Variants in C3orf52 observed in about 807,000 individuals in gnomAD.
C3orf52 encodes TPA-induced transmembrane protein.
C3orf52 carries 22 observed loss-of-function variants against 24.8 expected under a neutral mutation model. That is an observed-to-expected ratio of 0.89 (90% CI 0.63 to 1.27). The LOEUF is 1.27. C3orf52 is among the 50% of genes most tolerant of loss of function. C3orf52 has a pLI of 0.00. For missense variants in C3orf52, 265 were observed against 260.7 expected, an observed-to-expected ratio of 1.02 and a Z score of -0.11; for synonymous variants, 93 against 100.2, an observed-to-expected ratio of 0.93 and a Z score of 0.43.
intron 3 of C3orf52, among the ~76,000 whole-genome samples, chr3:112,104,473 A>T (rs2074006257): frequency 6.6e-6 from 1 of 152,136 alleles, no homozygotes; most frequent in Non-Finnish European, 1.5e-5. Context: ...AGGCGATTCC[A>T]TCCAGGTCAC....
chr3:112,093,627 G>T (rs1371308039), intron 2 of C3orf52, 138 bp downstream of exon 2: 53 of 792,428 alleles, frequency 6.7e-5, no homozygotes, highest in Non-Finnish European at 8.1e-5. Context: ...GGAATATATT[G>T]TATGGGTGGG....
downstream of C3orf52, chr3:112,129,045 A>C (rs140146131): frequency 6.6e-6 from 1 of 151,960 alleles, no homozygotes; most frequent in Non-Finnish European, 1.5e-5. Context: ...CATTCTGACA[A>C]CCTCTAAGAT....
chr3:112,102,153 G>A (rs905159103), intron 2 of C3orf52, among the ~76,000 whole-genome samples: 1 of 152,034 alleles, frequency 6.6e-6, no homozygotes, highest in Non-Finnish European at 1.5e-5. Flanking sequence ...GTCTTCCTGG[G>A]GAGACTTCAA....
intron 2 of C3orf52, among the ~76,000 whole-genome samples, chr3:112,095,659 C>T (rs531833671): frequency 8.5e-5 from 13 of 152,066 alleles, no homozygotes; most frequent in Non-Finnish European, 1.8e-4. Flanking sequence ...AATTTGTGTT[C>T]GAACATGTCA....
intron 2 of C3orf52, among the ~76,000 whole-genome samples, 162 bp from the exon 3 acceptor site, chr3:112,102,676 G>A (rs972364169): frequency 3.3e-5 from 5 of 152,190 alleles, no homozygotes; most frequent in African/African-American, 1.2e-4. Flanking sequence ...ATTTTGCTGA[G>A]TGGAGAAAGC....
At chr3:112,126,651 A>C (rs542932566) in intron 4 of C3orf52, among the ~76,000 whole-genome samples, 1 of 152,360 alleles carries the variant, frequency 6.6e-6, no homozygotes, top group South Asian at 2.1e-4. Context: ...TAACTTGGCC[A>C]GGAGGCCCCA....
downstream of C3orf52, chr3:112,133,383 C>CAATGAGAGCTTCGAACCTCTGGGG: frequency 2.3e-6 from 1 of 429,532 alleles, no homozygotes. Flanking sequence ...AACTACCCGT[C>CAATGAGAGCTTCGAACCTCTGGGG]AATGAGAGCT....
intron 4 of C3orf52, chr3:112,127,974 C>T (rs1338364338): frequency 1.3e-6 from 2 of 1,574,484 alleles, no homozygotes. Context: ...CACATTGAAA[C>T]CACACTTAGG....
downstream of C3orf52, among the ~76,000 whole-genome samples, chr3:112,120,417 C>T (rs1294277744): frequency 6.6e-6 from 1 of 152,184 alleles, no homozygotes; most frequent in Middle Eastern, 3.2e-3. Flanking sequence ...AACAGATTTT[C>T]CCGCCCTATC....
chr3:112,093,496 G>A lies in C3orf52; in HGVS notation c.268+7G>A, dbSNP rs766257958. 2 of 1,607,952 alleles carry A rather than the reference G, an allele frequency of 1.2e-6. No homozygotes were observed. Among genetic ancestry groups the A allele is most frequent in the East Asian group, 4.5e-5 (2 of 44,702 alleles). ...GGCTTATGTCTTGCTGCAGGTAAGA[G>A]GATTTAGATGTGAATAAATAACACA... On this transcript the variant is annotated splice_region_variant and intron_variant, in intron 2 of 5. Transcript: ENST00000264848.
chr3:112,125,878 C>G (rs577630744), intron 4 of C3orf52, among the ~76,000 whole-genome samples: 1 of 152,326 alleles, frequency 6.6e-6, no homozygotes, highest in Admixed American at 6.5e-5. Flanking sequence ...TAGTTAAAAC[C>G]AAATGGCTCT....
chr3:112,126,742 G>A (rs2074329488), intron 4 of C3orf52, among the ~76,000 whole-genome samples: 1 of 152,092 alleles, frequency 6.6e-6, no homozygotes, highest in African/African-American at 2.4e-5. Context: ...CTTGCCCCCA[G>A]TTACTGCCTT....
intron 2 of C3orf52, among the ~76,000 whole-genome samples, chr3:112,099,711 G>A (rs2073955407): frequency 6.6e-6 from 1 of 152,140 alleles, no homozygotes; most frequent in Non-Finnish European, 1.5e-5. Flanking sequence ...ACTTAATACA[G>A]TAGCTATTAT....
chr3:112,116,712 A>T lies in C3orf52; in HGVS notation c.*66A>T, dbSNP rs2074136820. 1.9e-6 allele frequency: 3 copies of T among 1,570,490 alleles called. No individual in the cohort carries two copies. The South Asian group carries it at 3.5e-5, about 18-fold the overall frequency. On this transcript the variant is annotated 3_prime_UTR_variant, in exon 6 of 6. Coordinates refer to ENST00000264848, the MANE Select transcript of C3orf52 (RefSeq NM_024616.3). ...CAAGTCCTGGAGATGAAGGGAATTC[A>T]CTCTGTTTTGCAGAAAAGATTCTGT... is the stretch of plus-strand genomic sequence containing the variant.
chr3:112,128,197 C>A (rs1210657797), intron 4 of C3orf52: 2 of 742,710 alleles, frequency 2.7e-6, no homozygotes, highest in African/African-American at 1.7e-5. Flanking sequence ...ATAACTTGGA[C>A]ACATCTCTCA....
chr3:112,114,548 A>T (rs574691285), intron 5 of C3orf52, among the ~76,000 whole-genome samples: 1 of 152,208 alleles, frequency 6.6e-6, no homozygotes, highest in Admixed American at 6.5e-5. Flanking sequence ...TACTAAAAAT[A>T]CAAAAATTAG....
chr3:112,088,143 A>G (rs1166343063), intron 1 of C3orf52, among the ~76,000 whole-genome samples: 1 of 152,220 alleles, frequency 6.6e-6, no homozygotes, highest in Non-Finnish European at 1.5e-5. Context: ...AGGTCACCCA[A>G]TAGGAGAGCT....
intron 4 of C3orf52, among the ~76,000 whole-genome samples, chr3:112,124,373 C>A (rs1450002498): frequency 1.3e-5 from 2 of 152,136 alleles, no homozygotes; most frequent in Non-Finnish European, 2.9e-5. Flanking sequence ...CTTTGGGAGG[C>A]CGAAGTGGGT....
At chr3:112,107,717 C>T (rs972469350) in intron 3 of C3orf52, among the ~76,000 whole-genome samples, 1 of 152,134 alleles carries the variant, frequency 6.6e-6, no homozygotes, top group Non-Finnish European at 1.5e-5. Flanking sequence ...GTTTAATTTT[C>T]CAGTAAAAAG....
Sources: gnomAD v4.1 joint callset for allele counts (sites outside exome capture counted in the v4.1 genomes callset) on GRCh38, gnomAD v4.1.1 for gene constraint, MANE v1.5 for transcripts, NCBI Gene and HGNC (gene_info 2026-07-23, HGNC 2026-07-21) for gene names.